DSCAM: variants seen among roughly 807,000 people sequenced by gnomAD.
The protein encoded by DSCAM is DS cell adhesion molecule.
In DSCAM, 47 loss-of-function variants were observed where a neutral mutation model predicts 217.7. The ratio of observed to expected loss-of-function variants is 0.22; its 90% CI spans 0.17 to 0.28. DSCAM has a LOEUF of 0.28. Among genes scored for constraint, DSCAM ranks in the 10% least tolerant of loss-of-function variants. The probability of loss-of-function intolerance (pLI) is 1.00; values close to 1 mark genes in which losing one functional copy is unlikely to be tolerated. For missense variants in DSCAM, 2,080 were observed against 2,618.3 expected, an observed-to-expected ratio of 0.79 and a Z score of 4.49; for synonymous variants, 1,056 against 1,015.3, an observed-to-expected ratio of 1.04 and a Z score of -0.76.
At chr21:40,080,445 C>A (rs1368662108) in intron 24 of DSCAM, 105 bp from the exon 25 acceptor site, 1 of 995,342 alleles carries the variant, frequency 1.0e-6, no homozygotes, top group African/African-American at 1.6e-5. Flanking sequence ...ATTCTCAGAA[C>A]TGAAGAATCT....
At chr21:40,633,604 G>A (rs2146323236) in intron 3 of DSCAM, among the ~76,000 whole-genome samples, 1 of 152,360 alleles carries the variant, frequency 6.6e-6, no homozygotes, top group South Asian at 2.1e-4. Context: ...GCCACGTACA[G>A]TACGTGCACA....
chr21:40,104,088 A>G (rs2089787650), intron 20 of DSCAM, among the ~76,000 whole-genome samples: 1 of 152,170 alleles, frequency 6.6e-6, no homozygotes, highest in African/African-American at 2.4e-5. Flanking sequence ...ACTTATGTTA[A>G]CAGGCTCTTT....
chr21:40,624,183 T>C (rs2089566149), intron 3 of DSCAM, among the ~76,000 whole-genome samples: 1 of 152,182 alleles, frequency 6.6e-6, no homozygotes, highest in Admixed American at 6.5e-5. Flanking sequence ...CCTCAGCCTC[T>C]ACACATCTCA....
chr21:40,277,884 GA>G (rs1344225472), intron 10 of DSCAM, among the ~76,000 whole-genome samples: 1 of 148,114 alleles, frequency 6.8e-6, no homozygotes, highest in Non-Finnish European at 1.5e-5. Context: ...AAAAAAAAAA[GA>G]AAAATAATAA....
Position 40,302,420 on chromosome 21 carries a change from C to T in DSCAM, c.2063-6246G>A, listed in dbSNP as rs574521936. 2.6e-5 allele frequency among the ~76,000 whole-genome samples: 4 copies of T among 152,274 alleles called. No individual in the cohort carries two copies. The South Asian group carries it at 8.3e-4, about 32-fold the overall frequency. On this transcript the variant is annotated intron_variant, in intron 9 of 32. Coordinates refer to ENST00000400454, the MANE Select transcript of DSCAM (RefSeq NM_001389.5). ...CCATGTAAGACATGCCTTTCACCTC[C>T]CAGCCACCTGTGGAACTGTGAGTCC...
chr21:40,833,361 T>A (rs962969309), intron 1 of DSCAM, among the ~76,000 whole-genome samples: 3 of 152,154 alleles, frequency 2.0e-5, no homozygotes, highest in Non-Finnish European at 4.4e-5. Flanking sequence ...GAATTTGCAG[T>A]GCTTTGAAAA....
intron 25 of DSCAM, among the ~76,000 whole-genome samples, chr21:40,079,569 G>A (rs73221370): frequency 0.071 from 10,860 of 152,144 alleles, 561 homozygotes; most frequent in South Asian, 0.15. Flanking sequence ...TCCTATGGGA[G>A]GGAAGCCTGC....
chr21:40,824,908 G>T (rs1387890456), intron 1 of DSCAM, among the ~76,000 whole-genome samples: 2 of 152,124 alleles, frequency 1.3e-5, no homozygotes, highest in Non-Finnish European at 2.9e-5. Context: ...TCTCTTTGAA[G>T]CCCTTTTTAA....
chr21:40,393,858 A>C (rs1346448915), intron 3 of DSCAM, among the ~76,000 whole-genome samples: 1 of 152,228 alleles, frequency 6.6e-6, no homozygotes, highest in Non-Finnish European at 1.5e-5. Context: ...TGAATGCTTT[A>C]ATACATCATT....
In DSCAM at chr21:40,016,651, G is replaced by T. The variant is rs2088163859; in HGVS notation, c.5687-3265C>A. ...CTTTGGACCCATAGGCCCCGAAGGT[G>T]CAGGCTGAGGGGATCTGAGACCACC... On this transcript the variant is annotated intron_variant, in intron 32 of 32. Coordinates refer to ENST00000400454, the MANE Select transcript of DSCAM (RefSeq NM_001389.5). The surrounding 1 kb of genome is among the most constrained non-coding windows in gnomAD (Gnocchi z 4.3). Among the ~76,000 whole-genome samples, 1 of 152,214 alleles carries T rather than the reference G, an allele frequency of 6.6e-6. No individual in the cohort carries two copies. The highest frequency in any genetic ancestry group is 2.4e-5 in the African/African-American group (1 of 41,454).
chr21:40,635,630 T>A (rs1375520739), intron 3 of DSCAM, among the ~76,000 whole-genome samples: 3 of 152,146 alleles, frequency 2.0e-5, no homozygotes, highest in Non-Finnish European at 1.5e-5. Context: ...ATTGAGAATG[T>A]GTGGACAGTT....
At chr21:40,462,943 C>T (rs1326353160) in intron 3 of DSCAM, among the ~76,000 whole-genome samples, 1 of 152,088 alleles carries the variant, frequency 6.6e-6, no homozygotes, top group Non-Finnish European at 1.5e-5. Flanking sequence ...AAATGTTAAT[C>T]TTATTTTTAT....
chr21:40,640,243 T>C (rs1344981569), intron 3 of DSCAM, among the ~76,000 whole-genome samples: 1 of 149,080 alleles, frequency 6.7e-6, no homozygotes, highest in African/African-American at 2.4e-5. Context: ...AGGCCACCTT[T>C]TCTTTTTCAG....
intron 29 of DSCAM, 142 bp from the exon 30 acceptor site, chr21:40,052,249 G>A: frequency 1.1e-6 from 1 of 918,936 alleles, no homozygotes; most frequent in Non-Finnish European, 1.6e-6. Context: ...AAAAATGATT[G>A]AAAATTCAAG....
At chr21:40,248,429 A>C (rs548214394) in intron 11 of DSCAM, among the ~76,000 whole-genome samples, 185 of 152,302 alleles carry the variant, frequency 1.2e-3, no homozygotes, top group African/African-American at 4.3e-3. Flanking sequence ...CAGATACCCT[A>C]AACCATCTTT....
At chr21:40,075,002 G>T (rs1272823187) in intron 27 of DSCAM, 35 bp downstream of exon 27, 1 of 1,608,768 alleles carries the variant, frequency 6.2e-7, no homozygotes, top group South Asian at 1.1e-5. Flanking sequence ...AGCAGCAGGG[G>T]ACACGCGTAG....
chr21:40,087,002 A>G (rs2089540964), intron 22 of DSCAM, among the ~76,000 whole-genome samples, 168 bp downstream of exon 22: 1 of 152,234 alleles, frequency 6.6e-6, no homozygotes, highest in African/African-American at 2.4e-5. Flanking sequence ...TTTCAGTGCT[A>G]AAGCTGAGAT....
At chr21:40,317,400 A>G (rs1829914128) in intron 8 of DSCAM, among the ~76,000 whole-genome samples, 1 of 152,244 alleles carries the variant, frequency 6.6e-6, no homozygotes, top group Admixed American at 6.5e-5. Context: ...TCAAGTGAGT[A>G]CAGTGATTTA....
chr21:40,334,070 A>G (rs1252833860), intron 8 of DSCAM, among the ~76,000 whole-genome samples: 1 of 152,134 alleles, frequency 6.6e-6, no homozygotes, highest in Non-Finnish European at 1.5e-5. Flanking sequence ...GAAGGGTTCT[A>G]ATGTGAGCCT....
Sources: allele counts gnomAD v4.1 joint callset (sites outside exome capture counted in the v4.1 genomes callset), GRCh38; gene constraint gnomAD v4.1.1; non-coding constraint Gnocchi (gnomAD v3.1); transcripts MANE v1.5; gene names NCBI Gene and HGNC (gene_info 2026-07-23, HGNC 2026-07-21).